The following TXLNB variants were observed in gnomAD, a reference collection of about 807,000 sequenced individuals.
The protein encoded by TXLNB is beta-taxilin.
A neutral mutation model predicts 57.4 loss-of-function variants in TXLNB; 37 were observed. The ratio of observed to expected loss-of-function variants is 0.64; its 90% CI spans 0.50 to 0.85. TXLNB has a LOEUF of 0.85. TXLNB is among the 40% of genes least tolerant of loss of function. The pLI is 0.00. For missense variants in TXLNB, 848 were observed against 825.6 expected, an observed-to-expected ratio of 1.03 and a Z score of -0.33; for synonymous variants, 302 against 309.6, an observed-to-expected ratio of 0.98 and a Z score of 0.26.
At chr6:139,206,798 G>GA in the TXLNB span, among the ~76,000 whole-genome samples, 2 of 152,208 alleles carry the variant, frequency 1.3e-5, no homozygotes, top group South Asian at 4.2e-4. Context: ...TAAAGGGGTG[G>GA]AAAAAGATAT....
At chr6:139,203,652 A>G in the TXLNB span, 1 of 152,356 alleles carries the variant, frequency 6.6e-6, no homozygotes, top group Middle Eastern at 3.4e-3. Flanking sequence ...AAGGAAGAAG[A>G]GAGAAATTGC....
the TXLNB span, among the ~76,000 whole-genome samples, chr6:139,172,764 C>A: frequency 6.6e-6 from 1 of 152,168 alleles, no homozygotes; most frequent in Non-Finnish European, 1.5e-5. Context: ...ATCTTAAGAA[C>A]TTGGGCAAGC....
chr6:139,220,009 C>A, the TXLNB span, among the ~76,000 whole-genome samples: 2 of 152,118 alleles, frequency 1.3e-5, no homozygotes, highest in African/African-American at 4.8e-5. Context: ...CTGACTGTGT[C>A]CCCCTCAAAT....
At chr6:139,260,134 C>A (rs1036402490) in intron 6 of TXLNB, among the ~76,000 whole-genome samples, 184 bp downstream of exon 6, 1 of 152,038 alleles carries the variant, frequency 6.6e-6, no homozygotes, top group Non-Finnish European at 1.5e-5. Context: ...GCAGGAGAAT[C>A]GCTGGAATCC....
At chr6:139,313,121 G>A in the TXLNB span, among the ~76,000 whole-genome samples, 5 of 150,754 alleles carry the variant, frequency 3.3e-5, no homozygotes, top group East Asian at 9.8e-4. Context: ...TGCCCAGGCT[G>A]GAGTGCAGTG....
At chr6:139,296,037 C>A (rs963908462), upstream of TXLNB, among the ~76,000 whole-genome samples, 4 of 150,942 alleles carry the variant, frequency 2.7e-5, no homozygotes, top group African/African-American at 7.4e-5. Flanking sequence ...AACCTTGACC[C>A]CCCCCTCCTC....
the TXLNB span, among the ~76,000 whole-genome samples, chr6:139,173,456 A>C: frequency 6.6e-6 from 1 of 152,214 alleles, no homozygotes; most frequent in Non-Finnish European, 1.5e-5. Flanking sequence ...CCATCGGGTA[A>C]GGAGCAGGTT....
the TXLNB span, among the ~76,000 whole-genome samples, chr6:139,319,261 ATTTTT>A: frequency 3.1e-5 from 4 of 130,174 alleles, no homozygotes; most frequent in African/African-American, 1.2e-4. Flanking sequence ...TCCCTTTAAA[ATTTTT>A]TTTTTTTTTT....
chr6:139,312,097 T>G, the TXLNB span, among the ~76,000 whole-genome samples: 3 of 152,124 alleles, frequency 2.0e-5, no homozygotes, highest in African/African-American at 4.8e-5. Flanking sequence ...ATGTCCTATA[T>G]CCTATATGAG....
Position 139,242,640 on chromosome 6 carries a change from T to G in TXLNB, c.1941A>C (p.Ala647=), listed in dbSNP as rs200124895. The G allele has an allele frequency of 6.2e-7, 1 of 1,607,422 alleles. No individual in the cohort carries two copies. Among genetic ancestry groups the G allele is most frequent in the Non-Finnish European group, 8.5e-7 (1 of 1,177,028 alleles). Residue 647 remains alanine, a synonymous_variant, in exon 10 of 10, where the codon GCA becomes GCC. Transcript: ENST00000358430. ...AEEHVAAMVP[A]CEPSRQPPRA... ...GTGGGGGCTGCCTACTGGGCTCGCATGCAGGCACCATGGCTGCAACGTGCT... is the reference window on the plus strand; with the variant it reads ...GTGGGGGCTGCCTACTGGGCTCGCAGGCAGGCACCATGGCTGCAACGTGCT...
In TXLNB at chr6:139,266,623, A is replaced by C. The variant is rs147491519; in HGVS notation, c.687+3833T>G. Among the ~76,000 whole-genome samples, 4 of 152,200 alleles carry C rather than the reference A, an allele frequency of 2.6e-5. 1 individual carries two copies. The highest frequency in any genetic ancestry group is 2.6e-4 in the Admixed American group (4 of 15,286). On this transcript the variant is annotated intron_variant, in intron 4 of 9. Coordinates refer to ENST00000358430, the MANE Select transcript of TXLNB (RefSeq NM_153235.4). ...TGTGGGACAATATCAAAAGGTCTACACACACAGAGTTAGAATCTTAGAAGG... is the reference window on the plus strand; with the variant it reads ...TGTGGGACAATATCAAAAGGTCTACCCACACAGAGTTAGAATCTTAGAAGG...
chr6:139,282,405 C>T (rs1421691635), intron 2 of TXLNB, among the ~76,000 whole-genome samples: 2 of 144,216 alleles, frequency 1.4e-5, no homozygotes, highest in Admixed American at 6.8e-5. Flanking sequence ...AGTGAAACCC[C>T]GTCTCTACTA....
At chr6:139,219,886 G>T in the TXLNB span, among the ~76,000 whole-genome samples, 7 of 152,202 alleles carry the variant, frequency 4.6e-5, no homozygotes, top group Admixed American at 2.0e-4. Context: ...TTTTCTTGCT[G>T]ATATAAGAGT....
At chr6:139,286,319 T>C (rs1777174078) in intron 2 of TXLNB, among the ~76,000 whole-genome samples, 1 of 150,212 alleles carries the variant, frequency 6.7e-6, no homozygotes. Context: ...CTGTCAAGCT[T>C]TGTCTCTGCT....
the TXLNB span, among the ~76,000 whole-genome samples, chr6:139,310,191 CCTACAGA>C: frequency 6.6e-6 from 1 of 152,246 alleles, no homozygotes; most frequent in Non-Finnish European, 1.5e-5. Context: ...GAAAGAGTAA[CCTACAGA>C]CTGGGAAAAA....
chr6:139,194,334 A>T, the TXLNB span, among the ~76,000 whole-genome samples: 1 of 152,216 alleles, frequency 6.6e-6, no homozygotes, highest in Non-Finnish European at 1.5e-5. Flanking sequence ...AAAGGGAGTG[A>T]ATGATTTTGA....
the TXLNB span, among the ~76,000 whole-genome samples, chr6:139,317,312 C>G: frequency 6.6e-6 from 1 of 151,900 alleles, no homozygotes; most frequent in Non-Finnish European, 1.5e-5. Flanking sequence ...AAAAAATTAC[C>G]AGACATCCCA....
At chr6:139,205,723 G>A in the TXLNB span, among the ~76,000 whole-genome samples, 1 of 152,128 alleles carries the variant, frequency 6.6e-6, no homozygotes, top group Non-Finnish European at 1.5e-5. Flanking sequence ...GTGTTCCAGA[G>A]GAAGAAGAGA....
chr6:139,315,283 A>AC, the TXLNB span, among the ~76,000 whole-genome samples: 4 of 152,332 alleles, frequency 2.6e-5, no homozygotes, highest in South Asian at 2.1e-4. Flanking sequence ...CTAATTGCTC[A>AC]GGGAGACTGA....
Sources: allele counts gnomAD v4.1 joint callset (sites outside exome capture counted in the v4.1 genomes callset), GRCh38; gene constraint gnomAD v4.1.1; transcripts MANE v1.5; gene names NCBI Gene and HGNC (gene_info 2026-07-23, HGNC 2026-07-21).